Variants in CFAP92 observed in about 807,000 individuals in gnomAD.
CFAP92 encodes the protein uncharacterized protein CFAP92.
CFAP92 carries 86 observed loss-of-function variants against 106.3 expected under a neutral mutation model. The observed-to-expected ratio is 0.81, with a 90% CI of 0.68 to 0.97. The LOEUF (loss-of-function observed/expected upper bound fraction) is 0.97. CFAP92 is among the 50% of genes least tolerant of loss of function. The pLI is 0.00. For synonymous variants in CFAP92, 477 were observed against 506.4 expected, an observed-to-expected ratio of 0.94 and a Z score of 0.78; for missense variants, 1,204 against 1,283.8, an observed-to-expected ratio of 0.94 and a Z score of 0.95.
rs116200968 is a variant in CFAP92, at chr3:128,966,099, A to G, written c.1169-404T>C. ...AGCTCTCCAGGTAACTTGAAAACCA[A>G]CGTTCTAAACCTGTGCTATCCACTA... On this transcript the variant is annotated intron_variant, in intron 8 of 15. Coordinates refer to ENST00000645291, the MANE Select transcript of CFAP92 (RefSeq NM_001394090.1). Among the ~76,000 whole-genome samples, 354 of 152,334 alleles carry G rather than the reference A, an allele frequency of 2.3e-3. 1 individual carries two copies. The highest frequency in any genetic ancestry group is 8.3e-3 in the African/African-American group (346 of 41,568).
At chr3:129,025,640 T>A in the CFAP92 span, among the ~76,000 whole-genome samples, 2 of 152,134 alleles carry the variant, frequency 1.3e-5, no homozygotes, top group African/African-American at 4.8e-5. Flanking sequence ...GTGGAGCTAT[T>A]ATAGCATGTG....
At chr3:128,988,952 A>T (rs1944036550) in intron 2 of CFAP92, 34 bp from the exon 3 acceptor site, 2 of 1,551,712 alleles carry the variant, frequency 1.3e-6, no homozygotes, top group Non-Finnish European at 1.8e-6. Flanking sequence ...TCTCGTTTTA[A>T]CCTCATGTGG....
rs771705809 is a variant in CFAP92 at position 128,977,731 on chromosome 3, C to T, written c.808+314G>A. Among the ~76,000 whole-genome samples the T allele has an allele frequency of 1.4e-4, 22 of 151,992 alleles. 1 individual carries two copies. Among genetic ancestry groups the T allele is most frequent in the African/African-American group, 3.1e-4 (13 of 41,374 alleles). On this transcript the variant is annotated intron_variant, in intron 5 of 15. Transcript: ENST00000645291. ...AAAATTAGCTGGGTGTGGTAGTGGG[C>T]GCCTGTAATCCCAGCTACTCGGGAG... is the stretch of plus-strand genomic sequence containing the variant.
Position 128,976,860 on chromosome 3 carries a change from G to A in CFAP92, c.896+119C>T, listed in dbSNP as rs142003417. The A allele has an allele frequency of 1.5e-4, 119 of 768,300 alleles. No individual in the cohort carries two copies. The African/African-American group carries it at 1.7e-3, about 11-fold the overall frequency. The allele number at this position is 768,300 out of a possible 1,614,324, so 47.6% of individuals were successfully genotyped here. A position where few individuals can be genotyped will look rare whatever the true frequency, so the allele number is the denominator to read the frequency against. On this transcript the variant is annotated intron_variant, in intron 6 of 15. Coordinates refer to ENST00000645291, the MANE Select transcript of CFAP92 (RefSeq NM_001394090.1). ...ACCCCTTCCCTGTTAGCTTAAGTTA[G>A]CCTGGATTGCATGAGATCCAGTTTA... is the stretch of plus-strand genomic sequence containing the variant.
chr3:129,002,475 A>G (rs1944837703), intron 1 of CFAP92: 1 of 1,354,244 alleles, frequency 7.4e-7, no homozygotes, highest in South Asian at 1.7e-5. Flanking sequence ...GCACACTTGC[A>G]TCTTGCCCCT....
chr3:129,017,331 A>G, the CFAP92 span, among the ~76,000 whole-genome samples: 15 of 152,236 alleles, frequency 9.9e-5, no homozygotes, highest in Non-Finnish European at 1.9e-4. Context: ...TTTGGTTTCT[A>G]TCACAACCAT....
At chr3:129,013,491 T>C in the CFAP92 span, among the ~76,000 whole-genome samples, 1 of 152,228 alleles carries the variant, frequency 6.6e-6, no homozygotes, top group African/African-American at 2.4e-5. Flanking sequence ...CTTGTCTTTC[T>C]CCTAGTTGGC....
chr3:128,918,856 G>C (rs1362824942), intron 12 of CFAP92, among the ~76,000 whole-genome samples: 3 of 151,870 alleles, frequency 2.0e-5, no homozygotes, highest in African/African-American at 7.3e-5. Context: ...AGGAACGGAG[G>C]GTTTAAAAGT....
chr3:128,976,682 T>C (rs1943178083), intron 6 of CFAP92, among the ~76,000 whole-genome samples: 1 of 152,234 alleles, frequency 6.6e-6, no homozygotes, highest in South Asian at 2.1e-4. Context: ...TTCTGGTTTA[T>C]CACTTTGTGT....
intron 2 of CFAP92, 135 bp from the exon 3 acceptor site, chr3:128,989,053 A>C: frequency 1.4e-6 from 1 of 698,006 alleles, no homozygotes; most frequent in Non-Finnish European, 2.4e-6. Context: ...GGAAGGAGGT[A>C]CAGGTCCAGT....
At chr3:128,926,131 T>C (rs1251965479) in intron 12 of CFAP92, among the ~76,000 whole-genome samples, 2 of 152,230 alleles carry the variant, frequency 1.3e-5, no homozygotes, top group Non-Finnish European at 2.9e-5. Flanking sequence ...TAAATAAATT[T>C]GAACAAGCAC....
chr3:128,939,477 A>G (rs1939402686), intron 10 of CFAP92, among the ~76,000 whole-genome samples: 1 of 152,148 alleles, frequency 6.6e-6, no homozygotes, highest in Admixed American at 6.5e-5. Context: ...TACATGACAG[A>G]CAACTTACCC....
At chr3:129,002,260 G>C in intron 1 of CFAP92, 2 of 1,531,204 alleles carry the variant, frequency 1.3e-6, no homozygotes, top group East Asian at 2.5e-5. Context: ...AGCAGCTTGC[G>C]CGAGTTGGTG....
intron 8 of CFAP92, 42 bp from the exon 9 acceptor site, chr3:128,965,737 C>T (rs1444444273): frequency 2.5e-6 from 1 of 398,244 alleles, no homozygotes; most frequent in Non-Finnish European, 4.4e-6. Context: ...CCTCCCGACA[C>T]CCCCAAGACA....
intron 1 of CFAP92, chr3:129,002,356 C>T (rs1372132768): frequency 6.7e-7 from 1 of 1,496,518 alleles, no homozygotes; most frequent in Non-Finnish European, 8.9e-7. Context: ...AGGGTGGTAA[C>T]GCCCGGGAGA....
intron 13 of CFAP92, 40 bp from the exon 14 acceptor site, chr3:128,915,603 T>TA: frequency 3.8e-6 from 5 of 1,317,110 alleles, no homozygotes; most frequent in Non-Finnish European, 5.1e-6. Flanking sequence ...GAAGGGCTAA[T>TA]AGCAATCTTG....
At chr3:128,963,088 T>G (rs1942074467) in intron 9 of CFAP92, among the ~76,000 whole-genome samples, 1 of 152,208 alleles carries the variant, frequency 6.6e-6, no homozygotes, top group South Asian at 2.1e-4. Flanking sequence ...CAGCCCCCAT[T>G]ACTTCAGTCA....
intron 10 of CFAP92, among the ~76,000 whole-genome samples, chr3:128,943,651 T>C (rs2107725465): frequency 6.6e-6 from 1 of 152,138 alleles, no homozygotes; most frequent in South Asian, 2.1e-4. Context: ...TTCTCCTGCC[T>C]CAGTCTCCCG....
chr3:129,002,532 A>C, intron 1 of CFAP92: 1 of 1,025,328 alleles, frequency 9.8e-7, no homozygotes, highest in Admixed American at 4.0e-5. Flanking sequence ...CTTACCACCT[A>C]TTCCATTCCT....
Sources: allele counts gnomAD v4.1 joint callset (sites outside exome capture counted in the v4.1 genomes callset), GRCh38; gene constraint gnomAD v4.1.1; transcripts MANE v1.5; gene names NCBI Gene and HGNC (gene_info 2026-07-23, HGNC 2026-07-21).